Variants in BPTF observed in about 807,000 individuals in gnomAD.
BPTF encodes the protein nucleosome-remodeling factor subunit BPTF.
In BPTF, 18 loss-of-function variants were observed where a neutral mutation model predicts 292.5. The ratio of observed to expected loss-of-function variants is 0.06; its 90% CI spans 0.04 to 0.09. The LOEUF is 0.09. Among genes scored for constraint, BPTF ranks in the 10% least tolerant of loss-of-function variants. The pLI is 1.00. For missense variants in BPTF, 2,726 were observed against 3,498.7 expected, an observed-to-expected ratio of 0.78 and a Z score of 5.57; for synonymous variants, 1,225 against 1,251.9, an observed-to-expected ratio of 0.98 and a Z score of 0.45.
At chr17:67,953,761 G>A (rs1337424987) in intron 23 of BPTF, among the ~76,000 whole-genome samples, 8 of 150,046 alleles carry the variant, frequency 5.3e-5, no homozygotes, top group Non-Finnish European at 7.4e-5. Context: ...TGTATTATTC[G>A]GAGAGATGGG....
At chr17:67,837,159 T>A (rs1394942869) in intron 1 of BPTF, among the ~76,000 whole-genome samples, 1 of 152,184 alleles carries the variant, frequency 6.6e-6, no homozygotes, top group East Asian at 1.9e-4. Context: ...TAACTGCATT[T>A]GCTGATAATA....
chr17:67,893,564 T>C lies in BPTF; in HGVS notation c.2250T>C (p.His750=). Residue 750 remains histidine, a synonymous_variant, in exon 6 of 28, where the codon CAT becomes CAC. Coordinates refer to ENST00000306378, the MANE Select transcript of BPTF (RefSeq NM_182641.4). ...QHREDHDKRR[H]LAHKFCLTPA... ...GAGAAGACCATGATAAGAGAAGGCA[T>C]CTTGCACATAAGTTCTGTCTGACTC... The C allele has an allele frequency of 6.8e-6, 11 of 1,614,026 alleles. No homozygotes were observed. Among genetic ancestry groups the C allele is most frequent in the African/African-American group, 2.7e-5 (2 of 75,048 alleles).
chr17:67,838,215 C>T (rs2057281729), intron 1 of BPTF, among the ~76,000 whole-genome samples: 1 of 152,218 alleles, frequency 6.6e-6, no homozygotes, highest in Non-Finnish European at 1.5e-5. Flanking sequence ...ACTTTATTTA[C>T]AAAAACAGGC....
At chr17:67,959,493 T>C (rs782372305) in intron 23 of BPTF, 48 bp from the exon 24 acceptor site, 88 of 1,420,066 alleles carry the variant, frequency 6.2e-5, no homozygotes, top group Non-Finnish European at 7.5e-5. Context: ...AGATCACACA[T>C]TTACATGACT....
At chr17:67,973,067 A>T (rs35318571) in intron 26 of BPTF, among the ~76,000 whole-genome samples, 2 of 144,362 alleles carry the variant, frequency 1.4e-5, no homozygotes, top group African/African-American at 5.1e-5. Context: ...TATATATATA[A>T]ATATATATAT....
chr17:67,932,811 C>G (rs908995704), intron 18 of BPTF, among the ~76,000 whole-genome samples: 3 of 151,540 alleles, frequency 2.0e-5, no homozygotes, highest in Non-Finnish European at 4.4e-5. Flanking sequence ...GATAAAAAAA[C>G]TAGAGATGGA....
intron 18 of BPTF, among the ~76,000 whole-genome samples, chr17:67,938,571 G>T (rs1244617945): frequency 6.6e-6 from 1 of 152,208 alleles, no homozygotes; most frequent in East Asian, 1.9e-4. Flanking sequence ...CTGCATGACA[G>T]TGGTGTCATT....
chr17:67,926,653 A>G (rs1299433608), intron 15 of BPTF, among the ~76,000 whole-genome samples: 3 of 152,146 alleles, frequency 2.0e-5, no homozygotes, highest in Non-Finnish European at 2.9e-5. Context: ...TTTATTTAAG[A>G]TGCTTATTTA....
chr17:67,883,484 T>G (rs1161926352), intron 4 of BPTF, among the ~76,000 whole-genome samples: 1 of 152,234 alleles, frequency 6.6e-6, no homozygotes, highest in Non-Finnish European at 1.5e-5. Flanking sequence ...ACGGGAGATA[T>G]TCAGAGAATT....
Position 67,825,933 on chromosome 17 carries a change from G to C in BPTF, c.209G>C (p.Gly70Ala). Residue 70 changes from glycine (G) to alanine (A), a missense_variant, in exon 1 of 28, where the codon GGC (glycine) becomes GCC (alanine). Physicochemically the swap from Gly to Ala is moderately conservative, Grantham distance 60. Around this residue, in one of 22 missense-constraint regions of BPTF, gnomAD observed 103 missense variants for 72.1 expected, o/e 1.43. Coordinates refer to ENST00000306378, the MANE Select transcript of BPTF (RefSeq NM_182641.4). ...PKTRLSSPRGGSSSRRKPPPP... is the reference protein window; with the variant it reads ...PKTRLSSPRGASSSRRKPPPP... Reference sequence around the variant, plus strand: ...ACGCGGCTGAGCTCGCCCAGGGGGGGCAGCAGTAGCCGGAGGAAGCCGCCG... The same window carrying C: ...ACGCGGCTGAGCTCGCCCAGGGGGGCCAGCAGTAGCCGGAGGAAGCCGCCG... 1 of 1,014,536 alleles carries C rather than the reference G, an allele frequency of 9.9e-7. No individual in the cohort carries two copies. Among genetic ancestry groups the C allele is most frequent in the Non-Finnish European group, 1.2e-6 (1 of 850,886 alleles). 62.8% of individuals were successfully genotyped at this position (1,014,536 alleles called of 1,614,324 possible). A position where few individuals can be genotyped will look rare whatever the true frequency, so the allele number is the denominator to read the frequency against.
At chr17:67,870,960 G>A (rs1026281965) in intron 3 of BPTF, among the ~76,000 whole-genome samples, 6 of 150,982 alleles carry the variant, frequency 4.0e-5, no homozygotes, top group East Asian at 2.0e-4. Flanking sequence ...TAGTAGAGAC[G>A]GGGTTTCACC....
rs746930036 is a variant in BPTF, at chr17:67,909,563, G to A, written c.2813-19G>A. The A allele has an allele frequency of 1.4e-5, 21 of 1,471,072 alleles. No individual in the cohort carries two copies. The South Asian group carries it at 1.9e-4, about 13-fold the overall frequency. The allele number at this position is 1,471,072 out of a possible 1,614,324, so 91.1% of individuals were successfully genotyped here. A position where few individuals can be genotyped will look rare whatever the true frequency, so the allele number is the denominator to read the frequency against. ...TACTCTGGAAATAACGTAAATTATC[G>A]TTACATGGTTCTTTTTAGCCAAAAA... On this transcript the variant is annotated intron_variant, in intron 9 of 27. Coordinates refer to ENST00000306378, the MANE Select transcript of BPTF (RefSeq NM_182641.4).
At position 67,959,857 on chromosome 17, in the gene BPTF, C is replaced by T. The variant is rs781919328; in HGVS notation, c.8243C>T (p.Thr2748Met). The T allele has an allele frequency of 5.0e-6, 8 of 1,596,100 alleles. No homozygotes were observed. In the East Asian group the frequency reaches 6.7e-5, roughly 13 times the overall value. ...ACAAAGCTTTACTGTATCTGTAAAACGCCTTATGATGAATCTAAGTGAGTA... is the reference window on the plus strand; with the variant it reads ...ACAAAGCTTTACTGTATCTGTAAAATGCCTTATGATGAATCTAAGTGAGTA... ...KDTKLYCICK[T>M]PYDESKFYIG... is the part of the protein sequence containing the mutation. Residue 2748 changes from threonine to methionine, a missense_variant, in exon 24 of 28, where the codon ACG (threonine) becomes ATG (methionine). Thr to Met is a moderately conservative substitution (Grantham distance 81, BLOSUM62 -1). Coordinates refer to ENST00000306378, the MANE Select transcript of BPTF (RefSeq NM_182641.4).
chr17:67,958,031 A>T (rs137859641), intron 23 of BPTF, among the ~76,000 whole-genome samples: 1 of 152,184 alleles, frequency 6.6e-6, no homozygotes, highest in Non-Finnish European at 1.5e-5. Context: ...GCAAATGCAT[A>T]TTGAGGAAGT....
chr17:67,922,686 C>T (rs376695680), intron 13 of BPTF, among the ~76,000 whole-genome samples, 154 bp from the exon 14 acceptor site: 1 of 152,170 alleles, frequency 6.6e-6, no homozygotes, highest in Non-Finnish European at 1.5e-5. Context: ...TCTTTGGCTG[C>T]TTTCATGATA....
intron 26 of BPTF, among the ~76,000 whole-genome samples, chr17:67,973,272 G>A (rs1485203426): frequency 3.3e-5 from 5 of 150,214 alleles, no homozygotes; most frequent in African/African-American, 4.9e-5. Flanking sequence ...TACTCCAGAG[G>A]CTGAGGCAGG....
At chr17:67,960,786 T>C (rs57247614) in intron 24 of BPTF, among the ~76,000 whole-genome samples, 8 of 152,308 alleles carry the variant, frequency 5.3e-5, no homozygotes, top group Non-Finnish European at 1.0e-4. Flanking sequence ...TAAAATAAAA[T>C]TGTGGTCCCT....
intron 19 of BPTF, among the ~76,000 whole-genome samples, chr17:67,943,334 C>T (rs961528600): frequency 1.3e-5 from 2 of 152,134 alleles, no homozygotes; most frequent in East Asian, 1.9e-4. Flanking sequence ...ATGGACTTTG[C>T]GCCATCAGTT....
chr17:67,932,343 A>G (rs1277932779), intron 18 of BPTF, among the ~76,000 whole-genome samples: 2 of 152,240 alleles, frequency 1.3e-5, no homozygotes, highest in Admixed American at 1.3e-4. Context: ...ACAAAATTAC[A>G]AATGCAGTGC....
Sources: gnomAD v4.1 joint callset for allele counts (sites outside exome capture counted in the v4.1 genomes callset) on GRCh38, gnomAD v4.1.1 for gene constraint, gnomAD v4.1.1 regional missense constraint, MANE v1.5 for transcripts, NCBI Gene and HGNC (gene_info 2026-07-23, HGNC 2026-07-21) for gene names.